The following CEP128 variants were observed in gnomAD, a reference collection of about 807,000 sequenced individuals.
The protein encoded by CEP128 is centrosomal protein 128.
Under a neutral mutation model 156.7 loss-of-function variants are expected in CEP128, and 132 were observed. The observed-to-expected ratio is 0.84, with a 90% CI of 0.73 to 0.97. The LOEUF (loss-of-function observed/expected upper bound fraction) is 0.97. Among genes scored for constraint, CEP128 ranks in the 50% least tolerant of loss-of-function variants. CEP128 has a pLI of 0.00. For missense variants in CEP128, 1,252 were observed against 1,281.9 expected (o/e 0.98, Z 0.36); for synonymous variants, 469 against 448.9 (o/e 1.04, Z -0.57).
chr14:80,801,799 T>C (rs1367986366), intron 13 of CEP128, among the ~76,000 whole-genome samples: 1 of 148,212 alleles, frequency 6.7e-6, no homozygotes, highest in Non-Finnish European at 1.5e-5. Context: ...TCCCAGCTAC[T>C]TGGGAGGCTG....
At chr14:80,816,104 C>A (rs372090892) in intron 13 of CEP128, among the ~76,000 whole-genome samples, 14 of 151,994 alleles carry the variant, frequency 9.2e-5, no homozygotes, top group African/African-American at 3.4e-4. Context: ...AATTTGTATA[C>A]ATTTTTTAAA....
rs757659573 is a variant in CEP128 at position 80,894,671 on chromosome 14, C to CA, written c.645+1046dup. 4.5e-5 allele frequency: 18 copies of CA among 401,332 alleles called. No individual in the cohort carries two copies. The East Asian group carries it at 7.7e-4, about 17-fold the overall frequency. 24.9% of individuals were successfully genotyped at this position (401,332 alleles called of 1,614,324 possible). A position where few individuals can be genotyped will look rare whatever the true frequency, so the allele number is the denominator to read the frequency against. On this transcript the variant is annotated intron_variant, in intron 8 of 24. Transcript: ENST00000555265. Reference sequence around the variant, plus strand: ...ATCTTCACCTTTCCAAGGCTCTTCACAAAAAACTTAATACCAAAAACACAA... The same window carrying CA: ...ATCTTCACCTTTCCAAGGCTCTTCACAAAAAAACTTAATACCAAAAACACAA...
intron 13 of CEP128, among the ~76,000 whole-genome samples, chr14:80,796,872 C>T (rs957539138): frequency 4.6e-5 from 7 of 152,136 alleles, no homozygotes; most frequent in Admixed American, 4.6e-4. Flanking sequence ...AAGAAGTAAA[C>T]TTATCTGAGG....
chr14:80,555,130 C>G (rs1890376870), intron 21 of CEP128, among the ~76,000 whole-genome samples: 1 of 152,130 alleles, frequency 6.6e-6, no homozygotes, highest in Admixed American at 6.5e-5. Context: ...CTCTTACTCT[C>G]TCAAACTGTT....
chr14:80,636,264 CTT>C (rs1369403053), intron 19 of CEP128, among the ~76,000 whole-genome samples: 1 of 152,134 alleles, frequency 6.6e-6, no homozygotes, highest in African/African-American at 2.4e-5. Context: ...CTTAGTAAAA[CTT>C]ATAAATAAGT....
chr14:80,610,508 C>G (rs1336400803), intron 19 of CEP128, among the ~76,000 whole-genome samples: 1 of 152,080 alleles, frequency 6.6e-6, no homozygotes. Context: ...ATATGAGGAT[C>G]AAACCTTTGG....
At chr14:80,481,043 G>A (rs534477596) in intron 14 of CEP128, among the ~76,000 whole-genome samples, 1 of 152,202 alleles carries the variant, frequency 6.6e-6, no homozygotes, top group South Asian at 2.1e-4. Flanking sequence ...TCCAACCTCT[G>A]CCTGTTACCC....
intron 20 of CEP128, among the ~76,000 whole-genome samples, chr14:80,562,644 G>GCTTTTCTTTT (rs1305947975): frequency 7.1e-6 from 1 of 141,372 alleles, no homozygotes; most frequent in Non-Finnish European, 1.5e-5. Flanking sequence ...CAACAGTGTA[G>GCTTTTCTTTT]CTTTTCTTTT....
chr14:80,942,839 C>T (rs1886224059), upstream of CEP128, among the ~76,000 whole-genome samples: 1 of 152,066 alleles, frequency 6.6e-6, no homozygotes, highest in Non-Finnish European at 1.5e-5. Flanking sequence ...CCCCTCCTCC[C>T]TCCCAACAGG....
intron 21 of CEP128, among the ~76,000 whole-genome samples, chr14:80,546,326 C>T (rs1435159577): frequency 6.6e-6 from 1 of 152,146 alleles, no homozygotes; most frequent in African/African-American, 2.4e-5. Context: ...TTAAGTGAGT[C>T]GCCCATGTGA....
Position 80,894,729 on chromosome 14 carries a change from T to C in CEP128, c.645+989A>G, listed in dbSNP as rs537417800. 17 of 329,292 alleles carry C rather than the reference T, an allele frequency of 5.2e-5. No individual in the cohort carries two copies. In the East Asian group the frequency reaches 1.6e-3, roughly 30 times the overall value. 20.4% of individuals were successfully genotyped at this position (329,292 alleles called of 1,614,324 possible). On this transcript the variant is annotated intron_variant, in intron 8 of 24. Transcript: ENST00000555265. Reference sequence around the variant, plus strand: ...GTATTTTTATGTAGCCAAGTGTTTATTCATATTTTTAAAATAAGCAAATTT... The same window carrying C: ...GTATTTTTATGTAGCCAAGTGTTTACTCATATTTTTAAAATAAGCAAATTT...
chr14:80,619,367 G>GACACACACACACACACACAC lies in CEP128; in HGVS notation c.2807-38964_2807-38945dup, dbSNP rs34190837. ...GTTTTAAATGATTTAAAGACACACAGACACACACACACACACACACACACA... is the reference window on the plus strand; with the variant it reads ...GTTTTAAATGATTTAAAGACACACAGACACACACACACACACACACACACACACACACACACACACACACA... On this transcript the variant is annotated intron_variant, in intron 19 of 24. Coordinates refer to ENST00000555265, the MANE Select transcript of CEP128 (RefSeq NM_152446.5). 9.7e-3 allele frequency among the ~76,000 whole-genome samples: 1,356 copies of GACACACACACACACACACAC among 139,408 alleles called. 15 individuals carry two copies. The highest frequency in any genetic ancestry group is 0.011 in the African/African-American group (418 of 36,806). The allele number at this position is 139,408 out of a possible 152,430, so 91.5% of individuals were successfully genotyped here. A position where few individuals can be genotyped will look rare whatever the true frequency, so the allele number is the denominator to read the frequency against.
intron 21 of CEP128, among the ~76,000 whole-genome samples, chr14:80,533,393 T>C (rs557648315): frequency 2.0e-5 from 3 of 152,276 alleles, no homozygotes; most frequent in East Asian, 3.9e-4. Context: ...TAAGTAAGTA[T>C]GTAAAACTCA....
chr14:80,671,878 G>A (rs1895857475), intron 19 of CEP128, among the ~76,000 whole-genome samples: 2 of 151,406 alleles, frequency 1.3e-5, no homozygotes, highest in Non-Finnish European at 2.9e-5. Context: ...TGGGGGGGTG[G>A]GGGGTAGTGG....
intron 19 of CEP128, among the ~76,000 whole-genome samples, chr14:80,618,797 G>T (rs1389828193): frequency 6.6e-6 from 1 of 152,136 alleles, no homozygotes; most frequent in Admixed American, 6.5e-5. Flanking sequence ...CACTTGGAGG[G>T]CCTGTTAAAA....
intron 12 of CEP128, among the ~76,000 whole-genome samples, chr14:80,835,901 G>T (rs886989638): frequency 2.6e-5 from 4 of 152,118 alleles, no homozygotes; most frequent in African/African-American, 4.8e-5. Flanking sequence ...ACATATGCAC[G>T]TATATTTGGG....
chr14:80,887,198 T>A (rs903148875), intron 8 of CEP128, among the ~76,000 whole-genome samples: 6 of 152,194 alleles, frequency 3.9e-5, no homozygotes, highest in African/African-American at 1.4e-4. Flanking sequence ...AACATCCCAC[T>A]GTCTACATTA....
intron 11 of CEP128, 75 bp from the exon 12 acceptor site, chr14:80,836,412 C>G: frequency 6.5e-7 from 1 of 1,539,352 alleles, no homozygotes; most frequent in East Asian, 2.3e-5. Flanking sequence ...CTATTGTAAA[C>G]ACAAGTTGAA....
chr14:80,940,520 T>G (rs1886086493), intron 1 of CEP128, among the ~76,000 whole-genome samples: 1 of 152,078 alleles, frequency 6.6e-6, no homozygotes, highest in African/African-American at 2.4e-5. Context: ...AATATTTTTT[T>G]TTTTAATGTA....
Sources: gnomAD v4.1 joint callset for allele counts (sites outside exome capture counted in the v4.1 genomes callset) on GRCh38, gnomAD v4.1.1 for gene constraint, MANE v1.5 for transcripts, NCBI Gene and HGNC (gene_info 2026-07-23, HGNC 2026-07-21) for gene names.